The following COL24A1 variants were observed in gnomAD, a reference collection of about 807,000 sequenced individuals.
The protein encoded by COL24A1 is collagen alpha-1(XXIV) chain.
COL24A1 carries 224 observed loss-of-function variants against 253.9 expected under a neutral mutation model. The observed-to-expected ratio is 0.88, with a 90% confidence interval of 0.79 to 0.99. The LOEUF (loss-of-function observed/expected upper bound fraction) is 0.99. COL24A1 is among the 50% of genes least tolerant of loss of function. The pLI is 0.00. For missense variants in COL24A1, 2,131 were observed against 2,068.5 expected (o/e 1.03, Z -0.59); for synonymous variants, 685 against 673.7 (o/e 1.02, Z -0.26).
intron 5 of COL24A1, among the ~76,000 whole-genome samples, chr1:86,107,628 G>A (rs1356860804): frequency 6.6e-6 from 1 of 151,762 alleles, no homozygotes; most frequent in Admixed American, 6.6e-5. Flanking sequence ...TCCGCCTCCC[G>A]GGTTCACGCC....
At chr1:85,971,835 T>C (rs1482994472) in intron 20 of COL24A1, among the ~76,000 whole-genome samples, 1 of 152,176 alleles carries the variant, frequency 6.6e-6, no homozygotes, top group Non-Finnish European at 1.5e-5. Flanking sequence ...AATGCATTAG[T>C]TCTTCATTAC....
In COL24A1 at chr1:85,729,931, T is replaced by C. The variant is rs1663315420; in HGVS notation, c.*615A>G. 1 of 152,432 alleles carries C rather than the reference T, an allele frequency of 6.6e-6. No homozygotes were observed. Among genetic ancestry groups the C allele is most frequent in the South Asian group, 2.1e-4 (1 of 4,818 alleles). 9.4% of individuals were successfully genotyped at this position (152,432 alleles called of 1,614,324 possible). A position where few individuals can be genotyped will look rare whatever the true frequency, so the allele number is the denominator to read the frequency against. The stretch of plus-strand genomic sequence containing the variant: ...AATAAGTACTAACAACCAAAACATA[T>C]CTTGATGTAACCAGTACATACACTT... On this transcript the variant is annotated 3_prime_UTR_variant, in exon 60 of 60. Coordinates refer to ENST00000370571, the MANE Select transcript of COL24A1 (RefSeq NM_152890.7).
chr1:86,136,613 AG>A (rs1379311071), intron 2 of COL24A1, among the ~76,000 whole-genome samples: 1 of 152,072 alleles, frequency 6.6e-6, no homozygotes, highest in Non-Finnish European at 1.5e-5. Context: ...AACTTGGTAA[AG>A]GTCACACAGC....
At chr1:85,732,294 A>G (rs772772530) in intron 59 of COL24A1, among the ~76,000 whole-genome samples, 1 of 150,612 alleles carries the variant, frequency 6.6e-6, no homozygotes, top group Non-Finnish European at 1.5e-5. Flanking sequence ...CAGTGGTGCA[A>G]TCTAGGCTCA....
intron 31 of COL24A1, 103 bp downstream of exon 31, chr1:85,895,755 A>T (rs1403155429): frequency 1.1e-5 from 10 of 895,630 alleles, no homozygotes; most frequent in Non-Finnish European, 1.7e-5. Context: ...AATATATATA[A>T]TTTTTATGTG....
intron 47 of COL24A1, among the ~76,000 whole-genome samples, chr1:85,792,957 G>A (rs1670445090): frequency 6.6e-6 from 1 of 152,022 alleles, no homozygotes; most frequent in South Asian, 2.1e-4. Flanking sequence ...TATAAATGTG[G>A]TGGGAGAGAT....
At chr1:85,738,516 A>G (rs1168627795) in intron 57 of COL24A1, among the ~76,000 whole-genome samples, 1 of 152,188 alleles carries the variant, frequency 6.6e-6, no homozygotes, top group Non-Finnish European at 1.5e-5. Context: ...CTTAGACTGA[A>G]AAGCAATGGC....
chr1:85,969,048 C>T (rs1297182011), intron 22 of COL24A1, among the ~76,000 whole-genome samples: 2 of 152,044 alleles, frequency 1.3e-5, no homozygotes, highest in African/African-American at 4.8e-5. Context: ...TGATATTCAA[C>T]AAATAGCAAC....
At chr1:85,866,832 G>C (rs745311854) in intron 37 of COL24A1, among the ~76,000 whole-genome samples, 1 of 152,014 alleles carries the variant, frequency 6.6e-6, no homozygotes, top group Non-Finnish European at 1.5e-5. Context: ...TGTATTTGCT[G>C]TGCTGGAACA....
At chr1:86,069,838 A>G (rs953118761) in intron 7 of COL24A1, among the ~76,000 whole-genome samples, 23 of 152,342 alleles carry the variant, frequency 1.5e-4, no homozygotes, top group African/African-American at 5.5e-4. Flanking sequence ...AACACTTGGA[A>G]AGCCTTCCCA....
In COL24A1 at chr1:86,046,822, T is replaced by C. The variant is rs1290607228; in HGVS notation, c.1950+3A>G. 4 of 1,611,630 alleles carry C rather than the reference T, an allele frequency of 2.5e-6. No homozygotes were observed. In the African/African-American group the frequency reaches 4.0e-5, roughly 16 times the overall value. On this transcript the variant is annotated splice_donor_region_variant and intron_variant, in intron 12 of 59. Coordinates refer to ENST00000370571, the MANE Select transcript of COL24A1 (RefSeq NM_152890.7). ...AAACCTCAAAAAACACAAATTAAGA[T>C]ACCTGTCTCCCCTTAAAACCCTTCT... is the stretch of plus-strand genomic sequence containing the variant.
chr1:86,057,994 A>T lies in COL24A1; in HGVS notation c.1807-19T>A. 2 of 1,607,578 alleles carry T rather than the reference A, an allele frequency of 1.2e-6. No individual in the cohort carries two copies. The highest frequency in any genetic ancestry group is 2.2e-5 in the East Asian group (1 of 44,686). ...CTAAACCCTGGTGTAAACAAAAGAC[A>T]TTGTCATCATACTACAGTACTTTTT... On this transcript the variant is annotated intron_variant, in intron 9 of 59. Coordinates refer to ENST00000370571, the MANE Select transcript of COL24A1 (RefSeq NM_152890.7).
At chr1:85,993,656 G>A (rs61617423) in intron 19 of COL24A1, among the ~76,000 whole-genome samples, 60,449 of 151,700 alleles carry the variant, frequency 0.4, 12,433 homozygotes, top group East Asian at 0.58. Context: ...GGTTTCACAG[G>A]TTATACATAT....
intron 24 of COL24A1, among the ~76,000 whole-genome samples, chr1:85,942,522 C>T (rs1009278678): frequency 6.6e-5 from 10 of 152,046 alleles, no homozygotes; most frequent in South Asian, 2.1e-4. Context: ...TTGTAGAATA[C>T]GCTAGGTAAA....
chr1:85,950,398 A>G (rs1689773555), intron 24 of COL24A1, among the ~76,000 whole-genome samples: 1 of 152,230 alleles, frequency 6.6e-6, no homozygotes, highest in African/African-American at 2.4e-5. Flanking sequence ...AAGAGGGAAT[A>G]TAAGAAAAAA....
chr1:85,967,820 G>C (rs1295074916), intron 22 of COL24A1, among the ~76,000 whole-genome samples: 1 of 152,160 alleles, frequency 6.6e-6, no homozygotes, highest in Admixed American at 6.6e-5. Flanking sequence ...AGGAGGTGAA[G>C]CTCAGGCAGT....
chr1:85,809,941 C>T (rs1227785375), intron 47 of COL24A1, among the ~76,000 whole-genome samples: 2 of 151,804 alleles, frequency 1.3e-5, no homozygotes, highest in African/African-American at 4.8e-5. Context: ...ACTCTATACT[C>T]ATTAAACAAT....
chr1:85,842,666 C>T (rs1429890114), intron 39 of COL24A1, among the ~76,000 whole-genome samples: 1 of 151,934 alleles, frequency 6.6e-6, no homozygotes, highest in Non-Finnish European at 1.5e-5. Flanking sequence ...TGTCAGAATC[C>T]TGCTGCTCCC....
intron 37 of COL24A1, among the ~76,000 whole-genome samples, chr1:85,865,172 T>C (rs1415452024): frequency 6.6e-6 from 1 of 151,840 alleles, no homozygotes; most frequent in East Asian, 1.9e-4. Context: ...AAAAAAAAAG[T>C]TTTATTTCTT....
Sources: allele counts gnomAD v4.1 joint callset (sites outside exome capture counted in the v4.1 genomes callset), GRCh38; gene constraint gnomAD v4.1.1; transcripts MANE v1.5; gene names NCBI Gene and HGNC (gene_info 2026-07-23, HGNC 2026-07-21).